The following CCDC178 variants were observed in gnomAD, a reference collection of about 807,000 sequenced individuals.
CCDC178 encodes coiled-coil domain containing 178, also known as coiled-coil domain-containing protein 178.
A neutral mutation model predicts 117.4 loss-of-function variants in CCDC178; 126 were observed. The ratio of observed to expected loss-of-function variants is 1.07; its 90% CI spans 0.93 to 1.24. CCDC178 has a LOEUF of 1.24. Ranked by LOEUF, CCDC178 falls within the 50% of genes most tolerant of loss-of-function variation. The pLI, the probability that CCDC178 is intolerant of heterozygous loss-of-function variation, is 0.00. For synonymous variants in CCDC178, 283 were observed against 313.4 expected (o/e 0.90, Z 1.02); for missense variants, 1,030 against 986.9 (o/e 1.04, Z -0.59).
chr18:33,120,783 TACTC>T (rs1172781631), intron 20 of CCDC178, among the ~76,000 whole-genome samples: 2 of 152,172 alleles, frequency 1.3e-5, no homozygotes, highest in African/African-American at 4.8e-5. Context: ...TTCCTTATCT[TACTC>T]TAATTATTTA....
intron 20 of CCDC178, among the ~76,000 whole-genome samples, chr18:33,118,067 T>A (rs2057883871): frequency 1.3e-5 from 2 of 152,084 alleles, no homozygotes; most frequent in Admixed American, 1.3e-4. Context: ...GGCACAGCAT[T>A]TTTTTCTGAC....
intron 11 of CCDC178, among the ~76,000 whole-genome samples, chr18:33,320,506 G>T (rs2062491603): frequency 1.3e-5 from 2 of 152,070 alleles, no homozygotes; most frequent in South Asian, 2.1e-4. Flanking sequence ...GCTTCAAAGA[G>T]AATAAAATAC....
chr18:33,113,863 T>C (rs1410825943), intron 20 of CCDC178, among the ~76,000 whole-genome samples: 2 of 152,026 alleles, frequency 1.3e-5, no homozygotes, highest in Admixed American at 6.6e-5. Context: ...TGCTTCACCT[T>C]AGTGGTGGTT....
chr18:33,165,017 A>G (rs551957646), intron 20 of CCDC178, among the ~76,000 whole-genome samples: 2 of 152,182 alleles, frequency 1.3e-5, no homozygotes, highest in African/African-American at 2.4e-5. Context: ...TCATTTAAAA[A>G]TCCCATTTGT....
At chr18:33,298,806 A>G (rs1481699534) in intron 11 of CCDC178, among the ~76,000 whole-genome samples, 1 of 152,198 alleles carries the variant, frequency 6.6e-6, no homozygotes, top group Non-Finnish European at 1.5e-5. Context: ...CAACATCAAC[A>G]TACAAAAATC....
At chr18:33,250,477 T>C (rs1248202966) in intron 14 of CCDC178, among the ~76,000 whole-genome samples, 4 of 151,428 alleles carry the variant, frequency 2.6e-5, no homozygotes, top group South Asian at 2.1e-4. Flanking sequence ...AATTTGAAAA[T>C]AAACATTAGT....
chr18:32,981,326 G>C (rs1009575736), intron 21 of CCDC178, among the ~76,000 whole-genome samples: 2 of 152,214 alleles, frequency 1.3e-5, no homozygotes, highest in African/African-American at 4.8e-5. Flanking sequence ...AACACAAAAG[G>C]TTAATTAACC....
At chr18:33,291,006 T>C (rs896146674) in intron 12 of CCDC178, among the ~76,000 whole-genome samples, 1 of 152,124 alleles carries the variant, frequency 6.6e-6, no homozygotes, top group Non-Finnish European at 1.5e-5. Flanking sequence ...ATTGTAGAAA[T>C]AGCTTTTTAT....
intron 22 of CCDC178, among the ~76,000 whole-genome samples, chr18:32,972,915 A>T (rs1039985614): frequency 1.3e-5 from 2 of 152,102 alleles, no homozygotes; most frequent in Non-Finnish European, 2.9e-5. Flanking sequence ...AATGGAAGCC[A>T]TCTCCAATAG....
At chr18:33,007,082 G>T (rs539107427) in intron 21 of CCDC178, among the ~76,000 whole-genome samples, 1 of 152,030 alleles carries the variant, frequency 6.6e-6, no homozygotes, top group Non-Finnish European at 1.5e-5. Context: ...TTGTTACACA[G>T]CAATAGAAAA....
chr18:33,324,976 C>A (rs2056350181), intron 10 of CCDC178, among the ~76,000 whole-genome samples: 1 of 151,546 alleles, frequency 6.6e-6, no homozygotes, highest in South Asian at 2.1e-4. Flanking sequence ...AAACAACAGT[C>A]TTCTATTTGG....
rs920226435 is a variant in CCDC178 at position 33,306,460 on chromosome 18, A to T, written c.1023-13148T>A. Among the ~76,000 whole-genome samples, 34 of 114,808 alleles carry T rather than the reference A, an allele frequency of 3.0e-4. 1 individual carries two copies. The highest frequency in any genetic ancestry group is 1.0e-3 in the African/African-American group (30 of 29,076). The allele number at this position is 114,808 out of a possible 152,430, so 75.3% of individuals were successfully genotyped here. On this transcript the variant is annotated intron_variant, in intron 11 of 22. Transcript: ENST00000383096. ...TGTGTGTGTGTGTGTACATATGGTTATATATATATATGGTTATATATAATA... is the reference window on the plus strand; with the variant it reads ...TGTGTGTGTGTGTGTACATATGGTTTTATATATATATGGTTATATATAATA...
chr18:33,121,295 C>T (rs1250950167), intron 20 of CCDC178, among the ~76,000 whole-genome samples: 3 of 152,192 alleles, frequency 2.0e-5, no homozygotes, highest in South Asian at 4.1e-4. Context: ...AGAAGAAATT[C>T]CACCTGTGCC....
At chr18:33,063,240 GAGTAT>G (rs1422372885) in intron 21 of CCDC178, among the ~76,000 whole-genome samples, 1 of 152,100 alleles carries the variant, frequency 6.6e-6, no homozygotes, top group Non-Finnish European at 1.5e-5. Context: ...ACCTGCACTT[GAGTAT>G]GTGCCCTCTC....
intron 21 of CCDC178, among the ~76,000 whole-genome samples, chr18:33,092,138 TA>T (rs1457683059): frequency 2.0e-5 from 3 of 152,138 alleles, no homozygotes; most frequent in Non-Finnish European, 2.9e-5. Flanking sequence ...TTAAGGAAAA[TA>T]TTTTTTATTG....
chr18:33,058,440 A>C (rs1243230118), intron 21 of CCDC178, among the ~76,000 whole-genome samples: 1 of 152,240 alleles, frequency 6.6e-6, no homozygotes, highest in Non-Finnish European at 1.5e-5. Flanking sequence ...CATAGTCAAT[A>C]AATGAGAGAC....
intron 22 of CCDC178, among the ~76,000 whole-genome samples, chr18:32,945,630 T>C (rs1443780465): frequency 6.6e-6 from 1 of 152,168 alleles, no homozygotes; most frequent in Non-Finnish European, 1.5e-5. Flanking sequence ...GCTTAACATA[T>C]TGAAGCACTT....
chr18:33,225,247 C>T (rs1275590434), intron 16 of CCDC178, among the ~76,000 whole-genome samples: 1 of 151,938 alleles, frequency 6.6e-6, no homozygotes. Flanking sequence ...ACTACAACCT[C>T]CACCTCCCGG....
At chr18:33,227,577 T>TAC (rs1272675394) in intron 15 of CCDC178, among the ~76,000 whole-genome samples, 3 of 138,614 alleles carry the variant, frequency 2.2e-5, no homozygotes, top group Non-Finnish European at 3.2e-5. Flanking sequence ...TATATATATA[T>TAC]ATACACACAC....
Sources: gnomAD v4.1 joint callset for allele counts (sites outside exome capture counted in the v4.1 genomes callset) on GRCh38, gnomAD v4.1.1 for gene constraint, MANE v1.5 for transcripts, NCBI Gene and HGNC (gene_info 2026-07-23, HGNC 2026-07-21) for gene names.